The following PCDHGB3 variants were observed in gnomAD, a reference collection of about 807,000 sequenced individuals.
PCDHGB3 encodes the protein protocadherin gamma subfamily B, 3, also known as protocadherin gamma-B3.
A neutral mutation model predicts 59.2 loss-of-function variants in PCDHGB3; 40 were observed. The ratio of observed to expected loss-of-function variants is 0.68; its 90% CI spans 0.52 to 0.88. PCDHGB3 has a LOEUF of 0.88. PCDHGB3 is among the 40% of genes least tolerant of loss of function. The pLI is 0.00. For synonymous variants in PCDHGB3, 581 were observed against 503.6 expected (o/e 1.15, Z -2.06); for missense variants, 1,309 against 1,187.9 (o/e 1.10, Z -1.50).
At chr5:141,410,471 G>GC in intron 1 of PCDHGB3, 1 of 1,613,988 alleles carries the variant, frequency 6.2e-7, no homozygotes, top group Non-Finnish European at 8.5e-7. Flanking sequence ...TCTGTGCATT[G>GC]CACATACGGG....
chr5:141,388,521 ACTGC>A, intron 1 of PCDHGB3: 1 of 1,613,840 alleles, frequency 6.2e-7, no homozygotes, highest in Non-Finnish European at 8.5e-7. Context: ...CTTGACTTTG[ACTGC>A]CTTGGACTTT....
intron 1 of PCDHGB3, among the ~76,000 whole-genome samples, chr5:141,458,449 A>G (rs1483902182): frequency 6.6e-6 from 1 of 152,086 alleles, no homozygotes; most frequent in Non-Finnish European, 1.5e-5. Context: ...CCACATTAAC[A>G]ATTTTTAAAA....
Position 141,490,198 on chromosome 5 carries a change from G to A in PCDHGB3, c.2416-4609G>A. ...GGAGTCACGTTTCTATGAAATTCAT[G>A]CAAGAGCCCGTGACCAGGGACAGCC... On this transcript the variant is annotated intron_variant, in intron 1 of 3. Coordinates refer to ENST00000576222, the MANE Select transcript of PCDHGB3 (RefSeq NM_018924.5). The surrounding 1 kb of genome is among the most constrained non-coding windows in gnomAD (Gnocchi z 5.4). The A allele has an allele frequency of 6.2e-7, 1 of 1,614,208 alleles. No homozygotes were observed. Among genetic ancestry groups the A allele is most frequent in the Non-Finnish European group, 8.5e-7 (1 of 1,180,038 alleles).
At chr5:141,397,225 T>C (rs2093492124) in intron 1 of PCDHGB3, among the ~76,000 whole-genome samples, 1 of 151,338 alleles carries the variant, frequency 6.6e-6, no homozygotes, top group Non-Finnish European at 1.5e-5. Context: ...TTTTGAGATA[T>C]GAAGAAGAGC....
chr5:141,395,797 A>G (rs56946131), intron 1 of PCDHGB3: 16,957 of 151,702 alleles, frequency 0.11, 1,119 homozygotes, highest in African/African-American at 0.18. Flanking sequence ...ACTTCTTACC[A>G]TCCTTCAAAA....
intron 1 of PCDHGB3, chr5:141,414,754 G>A: frequency 6.2e-7 from 1 of 1,614,190 alleles, no homozygotes; most frequent in Non-Finnish European, 8.5e-7. Flanking sequence ...CTTCGACTAT[G>A]AGCAGTTTCA....
At chr5:141,381,820 C>CTTTCTTTCTTTCTTTCT (rs1279410534) in intron 1 of PCDHGB3, among the ~76,000 whole-genome samples, 49 of 119,880 alleles carry the variant, frequency 4.1e-4, no homozygotes, top group African/African-American at 1.5e-3. Flanking sequence ...TTCTTTCTTT[C>CTTTCTTTCTTTCTTTCT]TTCTTCTTTT....
intron 1 of PCDHGB3, chr5:141,421,450 C>A (rs1193440607): frequency 2.5e-6 from 4 of 1,614,126 alleles, no homozygotes; most frequent in Non-Finnish European, 3.4e-6. Flanking sequence ...GAAGACACAG[C>A]TTTTCGCTGT....
intron 1 of PCDHGB3, among the ~76,000 whole-genome samples, chr5:141,445,007 G>A (rs771023003): frequency 1.5e-4 from 23 of 151,994 alleles, no homozygotes; most frequent in Non-Finnish European, 2.4e-4. Flanking sequence ...ATTTAATTAG[G>A]TCTTTAATTT....
chr5:141,462,477 G>A (rs1430561580), intron 1 of PCDHGB3, among the ~76,000 whole-genome samples: 1 of 151,828 alleles, frequency 6.6e-6, no homozygotes, highest in East Asian at 1.9e-4. Flanking sequence ...TCTGCTTCTC[G>A]TGGTTGTTGT....
At chr5:141,400,341 C>T in intron 1 of PCDHGB3, 7 of 1,614,070 alleles carry the variant, frequency 4.3e-6, no homozygotes, top group Non-Finnish European at 5.9e-6. Flanking sequence ...TTCCCCCCAA[C>T]TACAGTCAGG....
intron 1 of PCDHGB3, chr5:141,419,710 C>T: frequency 6.2e-7 from 1 of 1,613,168 alleles, no homozygotes; most frequent in South Asian, 1.1e-5. Context: ...CCGGGCTCTT[C>T]AGCCTGGGGC....
chr5:141,413,014 A>T, intron 1 of PCDHGB3: 1 of 663,842 alleles, frequency 1.5e-6, no homozygotes, highest in Non-Finnish European at 2.4e-6. Context: ...CTTCAACTAC[A>T]CAAGCCCCAC....
intron 1 of PCDHGB3, chr5:141,417,624 G>A (rs2096138947): frequency 1.5e-6 from 1 of 672,584 alleles, no homozygotes; most frequent in Non-Finnish European, 2.4e-6. Flanking sequence ...CAGAGCAAGC[G>A]CTGACGCCGG....
At chr5:141,411,890 G>T (rs2095521758) in intron 1 of PCDHGB3, 1 of 152,148 alleles carries the variant, frequency 6.6e-6, no homozygotes, top group South Asian at 2.1e-4. Context: ...AGAAATAAAT[G>T]AAATACTATT....
chr5:141,441,295 A>C (rs952946372), intron 1 of PCDHGB3: 3 of 152,240 alleles, frequency 2.0e-5, no homozygotes, highest in Non-Finnish European at 4.4e-5. Flanking sequence ...CACATGTCTG[A>C]TATAAGAAAA....
rs1310725827 is a variant in PCDHGB3, at chr5:141,500,934, T to C, written c.2475-4459T>C. The stretch of plus-strand genomic sequence containing the variant: ...TCCAGGCTGGGGTGCAGTGGCGCCA[T>C]CTCGGCTCACTGCAAGCTCCACCTC... On this transcript the variant is annotated intron_variant, in intron 2 of 3. Transcript: ENST00000576222. 5.9e-5 allele frequency among the ~76,000 whole-genome samples: 9 copies of C among 151,906 alleles called. 1 individual carries two copies. Among genetic ancestry groups the C allele is most frequent in the Non-Finnish European group, 1.3e-4 (9 of 68,020 alleles).
At position 141,460,912 on chromosome 5, in the gene PCDHGB3, G is replaced by GTA. The variant is rs34683754; in HGVS notation, c.2416-33883_2416-33882dup. ...TCGTGGCTGAGTAATATTCCATGGT[G>GTA]TATATATATATATGTGTGTGTGTAT... On this transcript the variant is annotated intron_variant, in intron 1 of 3. Coordinates refer to ENST00000576222, the MANE Select transcript of PCDHGB3 (RefSeq NM_018924.5). Among the ~76,000 whole-genome samples, 731 of 149,318 alleles carry GTA rather than the reference G, an allele frequency of 4.9e-3. 9 individuals carry two copies. Among genetic ancestry groups the GTA allele is most frequent in the African/African-American group, 0.016 (631 of 40,624 alleles).
chr5:141,383,123 T>C, intron 1 of PCDHGB3: 1 of 1,614,066 alleles, frequency 6.2e-7, no homozygotes, highest in Non-Finnish European at 8.5e-7. Context: ...ACGCAGCTTT[T>C]CGCCCTGAAC....
Sources: gnomAD v4.1 joint callset for allele counts (sites outside exome capture counted in the v4.1 genomes callset) on GRCh38, gnomAD v4.1.1 for gene constraint, Gnocchi (gnomAD v3.1) non-coding constraint, MANE v1.5 for transcripts, NCBI Gene and HGNC (gene_info 2026-07-23, HGNC 2026-07-21) for gene names.